MCTP2: variants seen among roughly 807,000 people sequenced by gnomAD.
MCTP2 encodes multiple C2 and transmembrane domain containing 2.
MCTP2 carries 132 observed loss-of-function variants against 111.6 expected under a neutral mutation model. That is an observed-to-expected ratio of 1.18 (90% CI 1.03 to 1.37). The LOEUF (loss-of-function observed/expected upper bound fraction) is 1.37, where lower values mean the gene tolerates loss of function less well. Ranked by LOEUF, MCTP2 falls within the 40% of genes most tolerant of loss-of-function variation. The pLI is 0.00. For synonymous variants in MCTP2, 395 were observed against 387.7 expected (o/e 1.02, Z -0.22); for missense variants, 1,183 against 1,067.9 (o/e 1.11, Z -1.50).
At position 94,301,091 on chromosome 15, in the gene MCTP2, C is replaced by G. The variant is rs148157926; in HGVS notation, c.465+2361C>G. ...GGATCATTTGGTTTTTCCCTTTTAA[C>G]GCAACCATTTTTTTAACCTTTGTTC... On this transcript the variant is annotated intron_variant, in intron 2 of 22. Transcript: ENST00000357742. Among the ~76,000 whole-genome samples, 1,331 of 152,244 alleles carry G rather than the reference C, an allele frequency of 8.7e-3. 11 individuals are homozygous for G. Among genetic ancestry groups the G allele is most frequent in the South Asian group, 0.038 (181 of 4,824 alleles).
chr15:94,385,078 A>G (rs938122275), intron 13 of MCTP2, among the ~76,000 whole-genome samples: 4 of 152,168 alleles, frequency 2.6e-5, no homozygotes, highest in East Asian at 3.8e-4. Context: ...TTTCATTTGG[A>G]AGCTTTTTAA....
intron 17 of MCTP2, among the ~76,000 whole-genome samples, chr15:94,422,150 G>A (rs17631184): frequency 0.14 from 21,396 of 152,114 alleles, 1,766 homozygotes; most frequent in Non-Finnish European, 0.19. Flanking sequence ...TTTCCCCAAG[G>A]CTGCTAGTAT....
intron 7 of MCTP2, 178 bp downstream of exon 7, chr15:94,341,102 G>A (rs926596696): frequency 6.0e-6 from 3 of 503,548 alleles, no homozygotes; most frequent in African/African-American, 1.9e-5. Flanking sequence ...CTTCTTTGAG[G>A]AACCGGAAAG....
At chr15:94,354,021 TAAC>T (rs1388111291) in intron 8 of MCTP2, among the ~76,000 whole-genome samples, 3 of 141,040 alleles carry the variant, frequency 2.1e-5, no homozygotes, top group African/African-American at 5.3e-5. Flanking sequence ...TATATAATAA[TAAC>T]AATAATAATA....
At chr15:94,466,501 G>C (rs1298441934) in intron 20 of MCTP2, among the ~76,000 whole-genome samples, 2 of 152,130 alleles carry the variant, frequency 1.3e-5, no homozygotes, top group African/African-American at 4.8e-5. Context: ...TCTCCACTTA[G>C]CACCGAGGGC....
chr15:94,323,513 G>A (rs1170121806), intron 4 of MCTP2, among the ~76,000 whole-genome samples: 2 of 152,214 alleles, frequency 1.3e-5, no homozygotes, highest in African/African-American at 4.8e-5. Context: ...CTTGCAGGTG[G>A]TTTTCCAGTT....
Position 94,298,815 on chromosome 15 carries a change from TCTCTCTTCCCCCCTCCCC to T in MCTP2, c.465+89_465+106del, listed in dbSNP as rs1478203192. ...CTTTCTCCCTCTCTCCCCATCTCCC[TCTCTCTTCCCCCCTCCCC>T]CTCCCTCTCTCTTCCCCCCTCCCCC... On this transcript the variant is annotated intron_variant, in intron 2 of 22. Coordinates refer to ENST00000357742, the MANE Select transcript of MCTP2 (RefSeq NM_001385001.1). 4.5e-4 allele frequency: 293 copies of T among 647,360 alleles called. 6 individuals are homozygous for T. In the African/African-American group the frequency reaches 9.0e-3, roughly 20 times the overall value. The allele number at this position is 647,360 out of a possible 1,614,324, so 40.1% of individuals were successfully genotyped here.
chr15:94,418,763 G>A (rs1392633719), intron 17 of MCTP2, among the ~76,000 whole-genome samples: 1 of 151,966 alleles, frequency 6.6e-6, no homozygotes. Context: ...TAAAGGGATG[G>A]AATTTTAATA....
At chr15:94,335,906 T>C (rs1393790088) in intron 4 of MCTP2, among the ~76,000 whole-genome samples, 1 of 152,128 alleles carries the variant, frequency 6.6e-6, no homozygotes, top group African/African-American at 2.4e-5. Context: ...ATTAGACAAA[T>C]GAGAATCCGC....
At chr15:94,245,827 C>A (rs910504058) in intron 1 of MCTP2, among the ~76,000 whole-genome samples, 1 of 150,080 alleles carries the variant, frequency 6.7e-6, no homozygotes, top group African/African-American at 2.5e-5. Context: ...TCTGATTGCT[C>A]CCCCCCCAGC....
intron 14 of MCTP2, among the ~76,000 whole-genome samples, chr15:94,398,498 G>T (rs1336114979): frequency 2.0e-5 from 3 of 152,106 alleles, no homozygotes; most frequent in Non-Finnish European, 4.4e-5. Context: ...GGATTTCACC[G>T]GTTTTTGCAC....
Position 94,255,790 on chromosome 15 carries a change from A to C in MCTP2, c.-66+24126A>C, listed in dbSNP as rs148537138. Among the ~76,000 whole-genome samples, 190 of 152,320 alleles carry C rather than the reference A, an allele frequency of 1.2e-3. 1 individual carries two copies. The highest frequency in any genetic ancestry group is 4.2e-3 in the African/African-American group (174 of 41,576). On this transcript the variant is annotated intron_variant, in intron 1 of 22. Coordinates refer to ENST00000357742, the MANE Select transcript of MCTP2 (RefSeq NM_001385001.1). ...CTTTGCTCAGGAAGCAGGGGAAATG[A>C]AGTAGAGCTAGGAAAGTTGGTAGGA...
chr15:94,391,219 A>C (rs2080951696), intron 14 of MCTP2, among the ~76,000 whole-genome samples: 1 of 152,008 alleles, frequency 6.6e-6, no homozygotes, highest in South Asian at 2.1e-4. Context: ...TACTGGGACA[A>C]ATTTTCTATA....
chr15:94,240,108 C>G (rs2152219591), intron 1 of MCTP2, among the ~76,000 whole-genome samples: 1 of 151,920 alleles, frequency 6.6e-6, no homozygotes, highest in African/African-American at 2.4e-5. Context: ...GAAGTTTTTG[C>G]TTTTCCTAGT....
chr15:94,263,545 G>T (rs2073325853), intron 1 of MCTP2, among the ~76,000 whole-genome samples: 1 of 152,162 alleles, frequency 6.6e-6, no homozygotes, highest in African/African-American at 2.4e-5. Context: ...TCTAAAACAT[G>T]TGTCTTCTCT....
At chr15:94,240,043 C>G (rs1364132122) in intron 1 of MCTP2, among the ~76,000 whole-genome samples, 4 of 150,746 alleles carry the variant, frequency 2.7e-5, no homozygotes, top group Non-Finnish European at 4.4e-5. Context: ...GTTCAGTTGT[C>G]AGGCTGTGCC....
At chr15:94,341,086 A>G in intron 7 of MCTP2, 162 bp downstream of exon 7, 4 of 545,678 alleles carry the variant, frequency 7.3e-6, no homozygotes, top group Non-Finnish European at 1.3e-5. Flanking sequence ...TTTTTAATAC[A>G]ATGCTCTTCT....
rs1267400413 is a variant in MCTP2, at chr15:94,301,299, A to G, written c.465+2569A>G. The stretch of plus-strand genomic sequence containing the variant: ...TGATCAGACCCCTAGGATCCCTTGC[A>G]GTCTAGTTCTGCCCACCCAGCTCCC... On this transcript the variant is annotated intron_variant, in intron 2 of 22. Transcript: ENST00000357742. Among the ~76,000 whole-genome samples, 6 of 152,206 alleles carry G rather than the reference A, an allele frequency of 3.9e-5. No homozygotes were observed. In the South Asian group the frequency reaches 1.2e-3, roughly 32 times the overall value.
At chr15:94,289,172 T>C (rs935438304) in intron 1 of MCTP2, among the ~76,000 whole-genome samples, 6 of 152,044 alleles carry the variant, frequency 3.9e-5, no homozygotes, top group African/African-American at 1.4e-4. Context: ...TGAATCCAAA[T>C]AAACACACAC....
Sources: gnomAD v4.1 joint callset for allele counts (sites outside exome capture counted in the v4.1 genomes callset) on GRCh38, gnomAD v4.1.1 for gene constraint, MANE v1.5 for transcripts, NCBI Gene and HGNC (gene_info 2026-07-23, HGNC 2026-07-21) for gene names.